CCDC181: variants seen among roughly 807,000 people sequenced by gnomAD.
CCDC181 encodes the protein coiled-coil domain-containing protein 181.
CCDC181 carries 35 observed loss-of-function variants against 58.7 expected under a neutral mutation model. That is an observed-to-expected ratio of 0.60 (90% CI 0.46 to 0.79). CCDC181 has a LOEUF of 0.79. Among genes scored for constraint, CCDC181 ranks in the 30% least tolerant of loss-of-function variants. CCDC181 has a pLI of 0.00. For synonymous variants in CCDC181, 183 were observed against 197.5 expected (o/e 0.93, Z 0.62); for missense variants, 517 against 583.9 (o/e 0.89, Z 1.18).
intron 2 of CCDC181, among the ~76,000 whole-genome samples, chr1:169,435,677 T>TA (rs140247491): frequency 2.0e-5 from 3 of 152,286 alleles, no homozygotes; most frequent in Non-Finnish European, 4.4e-5. Flanking sequence ...CAGGGACTAT[T>TA]ACATTACATA....
At position 169,395,190 on chromosome 1, in the gene CCDC181, G is replaced by T. The variant is rs370391570; in HGVS notation, c.1387C>A (p.Arg463=). 1.9e-6 allele frequency: 3 copies of T among 1,610,780 alleles called. No homozygotes were observed. Among genetic ancestry groups the T allele is most frequent in the African/African-American group, 1.3e-5 (1 of 74,628 alleles). The change falls in exon 6 of 6, where the codon CGG becomes AGG. Residue 463 remains arginine (R), a synonymous_variant. Transcript: ENST00000367806. The part of the protein sequence containing the change: ...RAFKQWLRRK[R]MEKMAEQQAV... ...TGTTGCTCTGCCATTTTTTCCATCCGTTTCCTTCTTAACCATCTGTAGAAA... is the reference window on the plus strand; with the variant it reads ...TGTTGCTCTGCCATTTTTTCCATCCTTTTCCTTCTTAACCATCTGTAGAAA...
intron 4 of CCDC181, among the ~76,000 whole-genome samples, chr1:169,418,157 G>A (rs1656297258): frequency 6.6e-6 from 1 of 152,142 alleles, no homozygotes; most frequent in Admixed American, 6.5e-5. Flanking sequence ...ATTCACCTCT[G>A]AAGAACTTCT....
At chr1:169,435,806 CA>C (rs1333716043) in intron 2 of CCDC181, among the ~76,000 whole-genome samples, 1 of 152,086 alleles carries the variant, frequency 6.6e-6, no homozygotes, top group African/African-American at 2.4e-5. Flanking sequence ...GCTACATTAT[CA>C]AACATTTTTT....
chr1:169,436,212 C>T (rs2101743335), intron 2 of CCDC181, among the ~76,000 whole-genome samples: 1 of 152,082 alleles, frequency 6.6e-6, no homozygotes, highest in Admixed American at 6.5e-5. Context: ...AGTAGGTACT[C>T]TGACACCAGA....
At chr1:169,455,594 A>G (rs1657659647) in intron 2 of CCDC181, among the ~76,000 whole-genome samples, 1 of 152,170 alleles carries the variant, frequency 6.6e-6, no homozygotes, top group Admixed American at 6.6e-5. Flanking sequence ...GATAGGCTTT[A>G]AGTAATTTAA....
chr1:169,459,791 A>G (rs1335866819), intron 2 of CCDC181: 1 of 151,618 alleles, frequency 6.6e-6, no homozygotes, highest in African/African-American at 2.4e-5. Context: ...AGAGATTAGT[A>G]CTGACCTAGA....
intron 2 of CCDC181, among the ~76,000 whole-genome samples, chr1:169,447,621 G>A (rs1657412096): frequency 6.6e-6 from 1 of 152,172 alleles, no homozygotes; most frequent in Non-Finnish European, 1.5e-5. Flanking sequence ...ATTACTTACT[G>A]AAAGGTGTTG....
upstream of CCDC181, among the ~76,000 whole-genome samples, chr1:169,429,886 A>T (rs541681236): frequency 6.6e-6 from 1 of 152,226 alleles, no homozygotes; most frequent in South Asian, 2.1e-4. Flanking sequence ...GCCAACGCCA[A>T]TGTCTAGAAG....
At chr1:169,424,614 G>T (rs1656634089) in intron 2 of CCDC181, among the ~76,000 whole-genome samples, 197 bp downstream of exon 2, 1 of 151,660 alleles carries the variant, frequency 6.6e-6, no homozygotes, top group Non-Finnish European at 1.5e-5. Context: ...TCACTAACCT[G>T]CCCTATGCCT....
intron 4 of CCDC181, among the ~76,000 whole-genome samples, chr1:169,417,116 A>C (rs1042366784): frequency 7.9e-5 from 12 of 152,180 alleles, no homozygotes; most frequent in African/African-American, 2.9e-4. Flanking sequence ...AAGGGTTCCC[A>C]CTTCCCACAC....
intron 4 of CCDC181, among the ~76,000 whole-genome samples, chr1:169,404,771 G>A (rs370481885): frequency 2.0e-4 from 31 of 152,148 alleles, no homozygotes; most frequent in African/African-American, 6.0e-4. Flanking sequence ...GCCCTCTCTC[G>A]CCACTCCTAT....
At chr1:169,395,328 A>G in intron 5 of CCDC181, 122 bp from the exon 6 acceptor site, 1 of 837,490 alleles carries the variant, frequency 1.2e-6, no homozygotes, top group Non-Finnish European at 1.7e-6. Flanking sequence ...CTGTCACAGC[A>G]CAAATTTTTA....
intron 4 of CCDC181, among the ~76,000 whole-genome samples, chr1:169,401,221 G>C (rs943476551): frequency 6.6e-6 from 1 of 152,208 alleles, no homozygotes; most frequent in Non-Finnish European, 1.5e-5. Flanking sequence ...TACCTCTGGG[G>C]GCAAGACACA....
intron 4 of CCDC181, among the ~76,000 whole-genome samples, chr1:169,405,497 A>G (rs907475378): frequency 1.3e-5 from 2 of 152,202 alleles, no homozygotes; most frequent in African/African-American, 4.8e-5. Flanking sequence ...CTCAGAAATA[A>G]TACCACATAT....
At chr1:169,404,388 G>T (rs536421883) in intron 4 of CCDC181, among the ~76,000 whole-genome samples, 18 of 152,276 alleles carry the variant, frequency 1.2e-4, no homozygotes, top group African/African-American at 4.3e-4. Context: ...TACCCCTGAT[G>T]AACATTGATG....
At chr1:169,401,291 AAG>A (rs1363055423) in intron 4 of CCDC181, among the ~76,000 whole-genome samples, 2 of 152,202 alleles carry the variant, frequency 1.3e-5, no homozygotes, top group African/African-American at 4.8e-5. Flanking sequence ...GACAGCTTTG[AAG>A]AGAGTAGTGC....
chr1:169,440,739 A>T (rs1325900923), intron 2 of CCDC181, among the ~76,000 whole-genome samples: 1 of 152,062 alleles, frequency 6.6e-6, no homozygotes, highest in Non-Finnish European at 1.5e-5. Flanking sequence ...CAACATGGCA[A>T]AACCCCATCT....
chr1:169,413,787 C>T (rs12750775), intron 4 of CCDC181, among the ~76,000 whole-genome samples: 40,228 of 151,262 alleles, frequency 0.27, 6,694 homozygotes, highest in Non-Finnish European at 0.38. Context: ...CCAAACACTG[C>T]ATGTTCTCAC....
At chr1:169,457,166 A>C (rs1293079378) in intron 2 of CCDC181, among the ~76,000 whole-genome samples, 2 of 151,964 alleles carry the variant, frequency 1.3e-5, no homozygotes, top group East Asian at 3.9e-4. Context: ...GGCTGCTTTT[A>C]TGATCTTCTC....
Sources: allele counts gnomAD v4.1 joint callset (sites outside exome capture counted in the v4.1 genomes callset), GRCh38; gene constraint gnomAD v4.1.1; transcripts MANE v1.5; gene names NCBI Gene and HGNC (gene_info 2026-07-23, HGNC 2026-07-21).